DNM3: variants seen among roughly 807,000 people sequenced by gnomAD.
DNM3 encodes the protein dynamin 3, also known as dynamin-3.
Under a neutral mutation model 101.6 loss-of-function variants are expected in DNM3, and 47 were observed. That is an observed-to-expected ratio of 0.46 (90% CI 0.37 to 0.59). The LOEUF is 0.59. Among genes scored for constraint, DNM3 ranks in the 20% least tolerant of loss-of-function variants. The probability of loss-of-function intolerance (pLI) is 0.00; values close to 1 mark genes in which losing one functional copy is unlikely to be tolerated. For missense variants in DNM3, 849 were observed against 1,085.7 expected, an observed-to-expected ratio of 0.78 and a Z score of 3.06; for synonymous variants, 385 against 387.9, an observed-to-expected ratio of 0.99 and a Z score of 0.09.
At chr1:172,027,617 C>CACAG (rs34981346) in intron 4 of DNM3, among the ~76,000 whole-genome samples, 10,044 of 146,842 alleles carry the variant, frequency 0.068, 405 homozygotes, top group East Asian at 0.13. Context: ...CACACACACA[C>CACAG]AGAGAGAGAG....
intron 15 of DNM3, among the ~76,000 whole-genome samples, chr1:172,297,873 T>G (rs2064242157): frequency 6.6e-6 from 1 of 152,092 alleles, no homozygotes. Context: ...AAGCTTCTTT[T>G]TAAAAAAATA....
rs142118086 is a variant in DNM3, at chr1:172,013,866, A to G, written c.590-18536A>G. Among the ~76,000 whole-genome samples the G allele has an allele frequency of 6.7e-3, 1,019 of 152,236 alleles. 11 individuals are homozygous for G. The highest frequency in any genetic ancestry group is 0.023 in the African/African-American group (960 of 41,546). On this transcript the variant is annotated intron_variant, in intron 4 of 20. Transcript: ENST00000627582. ...GTGAGATCACAACTTTTACTTATTG[A>G]ATGATTTTTATGTACCACATACTTT...
chr1:172,000,536 C>T (rs1221460134), intron 4 of DNM3, among the ~76,000 whole-genome samples: 1 of 152,124 alleles, frequency 6.6e-6, no homozygotes, highest in African/African-American at 2.4e-5. Flanking sequence ...CATTCAGTCA[C>T]TTGTATTCTT....
intron 17 of DNM3, among the ~76,000 whole-genome samples, chr1:172,369,341 G>A (rs1277053586): frequency 6.6e-6 from 1 of 151,730 alleles, no homozygotes; most frequent in African/African-American, 2.4e-5. Flanking sequence ...AATAAATGTG[G>A]TATATCACAT....
intron 13 of DNM3, among the ~76,000 whole-genome samples, chr1:172,119,702 A>G (rs1411927535): frequency 2.0e-5 from 3 of 152,140 alleles, no homozygotes; most frequent in Admixed American, 2.0e-4. Context: ...CCAATGATCT[A>G]TTTCACATGT....
intron 2 of DNM3, among the ~76,000 whole-genome samples, chr1:171,985,224 C>G (rs573227416): frequency 6.6e-6 from 1 of 152,074 alleles, no homozygotes; most frequent in South Asian, 2.1e-4. Flanking sequence ...GAATATATGG[C>G]ATTGAAAAAA....
At chr1:172,009,881 G>A (rs766314315) in intron 4 of DNM3, among the ~76,000 whole-genome samples, 11 of 151,610 alleles carry the variant, frequency 7.3e-5, no homozygotes, top group South Asian at 4.1e-4. Context: ...TTTAAATCTC[G>A]TATACCTCTT....
intron 15 of DNM3, among the ~76,000 whole-genome samples, chr1:172,302,229 G>A (rs1047052791): frequency 1.2e-4 from 18 of 152,238 alleles, no homozygotes; most frequent in Admixed American, 3.9e-4. Context: ...TCCCACGCCT[G>A]GCTCAGCAGG....
chr1:172,149,161 C>T (rs1364872820), intron 14 of DNM3, among the ~76,000 whole-genome samples: 1 of 152,092 alleles, frequency 6.6e-6, no homozygotes, highest in East Asian at 1.9e-4. Flanking sequence ...TTTGTTTTTG[C>T]CCGTCTCTAA....
intron 20 of DNM3, chr1:172,394,150 G>A (rs1307357510): frequency 6.6e-6 from 1 of 152,146 alleles, no homozygotes; most frequent in Non-Finnish European, 1.5e-5. Flanking sequence ...TCAAGTCTTG[G>A]TTTCAATCTG....
intron 14 of DNM3, among the ~76,000 whole-genome samples, chr1:172,187,488 G>A (rs1266681442): frequency 4.6e-5 from 7 of 152,092 alleles, no homozygotes; most frequent in African/African-American, 1.7e-4. Context: ...AGTAAGTGCT[G>A]TTCTTTCCAA....
chr1:172,395,294 C>T (rs754718700), intron 20 of DNM3, among the ~76,000 whole-genome samples: 51 of 152,082 alleles, frequency 3.4e-4, no homozygotes, highest in Admixed American at 2.9e-3. Context: ...CCTCAGCCTC[C>T]TGAGTAGCTG....
Position 172,081,903 on chromosome 1 carries a change from G to A in DNM3, c.1493+1G>A. 2 of 1,612,514 alleles carry A rather than the reference G, an allele frequency of 1.2e-6. No individual in the cohort carries two copies. The highest frequency in any genetic ancestry group is 8.5e-7 in the Non-Finnish European group (1 of 1,179,214). On this transcript the variant is annotated splice_donor_variant, in intron 12 of 20. Transcript: ENST00000627582. LOFTEE classifies it high-confidence loss of function. ...ATGAAGACTTCATTGGCTTCGCAAA[G>A]TACGTGAAACACTTGATGGCCACAT...
chr1:171,994,778 C>T (rs2045881975), intron 4 of DNM3, among the ~76,000 whole-genome samples: 2 of 151,468 alleles, frequency 1.3e-5, no homozygotes, highest in South Asian at 4.2e-4. Flanking sequence ...ACAATTGCCA[C>T]TGATTATTTT....
chr1:172,348,575 G>A (rs1010912902), intron 17 of DNM3, among the ~76,000 whole-genome samples: 14 of 152,056 alleles, frequency 9.2e-5, no homozygotes, highest in Non-Finnish European at 2.9e-5. Context: ...ACACATTTAT[G>A]TACAGAGTAT....
At chr1:172,190,728 T>A (rs1415523208) in intron 14 of DNM3, among the ~76,000 whole-genome samples, 2 of 152,218 alleles carry the variant, frequency 1.3e-5, no homozygotes, top group African/African-American at 4.8e-5. Context: ...TGAGATGGTA[T>A]CTCATTGTGG....
chr1:172,093,646 T>A, intron 13 of DNM3: 1 of 1,552,018 alleles, frequency 6.4e-7, no homozygotes, highest in African/African-American at 1.4e-5. Context: ...CAGACTTTAT[T>A]TTAAAAACTT....
intron 20 of DNM3, chr1:172,397,325 C>G (rs2070090144): frequency 2.0e-5 from 3 of 152,592 alleles, no homozygotes; most frequent in African/African-American, 7.2e-5. Context: ...AACAGAAAAA[C>G]CACTGCAGTA....
chr1:171,853,712 G>T (rs552717392), intron 1 of DNM3, among the ~76,000 whole-genome samples: 1 of 151,568 alleles, frequency 6.6e-6, no homozygotes, highest in Non-Finnish European at 1.5e-5. Flanking sequence ...TCCTCCTTTC[G>T]CATGTGGGAT....
Sources: gnomAD v4.1 joint callset for allele counts (sites outside exome capture counted in the v4.1 genomes callset) on GRCh38, gnomAD v4.1.1 for gene constraint, MANE v1.5 for transcripts, NCBI Gene and HGNC (gene_info 2026-07-23, HGNC 2026-07-21) for gene names.